Variants in DDAH1 observed in about 807,000 individuals in gnomAD.
DDAH1 encodes the protein dimethylarginine dimethylaminohydrolase 1.
In DDAH1, 19 loss-of-function variants were observed where a neutral mutation model predicts 28.8. That is an observed-to-expected ratio of 0.66 (90% CI 0.46 to 0.97). The LOEUF is 0.97. Ranked by LOEUF, DDAH1 falls within the 50% of genes least tolerant of loss-of-function variation. The probability of loss-of-function intolerance (pLI) is 0.00; values close to 1 mark genes in which losing one functional copy is unlikely to be tolerated. For missense variants in DDAH1, 326 were observed against 375.9 expected, an observed-to-expected ratio of 0.87 and a Z score of 1.10; for synonymous variants, 153 against 154.4, an observed-to-expected ratio of 0.99 and a Z score of 0.07.
intron 2 of DDAH1, among the ~76,000 whole-genome samples, chr1:85,489,381 A>C (rs776057413): frequency 9.2e-5 from 14 of 152,192 alleles, no homozygotes; most frequent in Non-Finnish European, 1.6e-4. Flanking sequence ...AGGAGGGAAA[A>C]ATCAATCATG....
At chr1:85,434,411 A>T (rs1189916516) in intron 1 of DDAH1, among the ~76,000 whole-genome samples, 1 of 149,234 alleles carries the variant, frequency 6.7e-6, no homozygotes, top group Non-Finnish European at 1.5e-5. Flanking sequence ...ATCATATTGT[A>T]TGTGTGTTTT....
At chr1:85,531,153 C>T (rs1172227438) in intron 1 of DDAH1, among the ~76,000 whole-genome samples, 8 of 152,150 alleles carry the variant, frequency 5.3e-5, no homozygotes, top group Non-Finnish European at 7.4e-5. Context: ...GAAGATAATG[C>T]CTACTCTCAC....
chr1:85,504,494 C>T (rs951642040), intron 1 of DDAH1, among the ~76,000 whole-genome samples: 2 of 152,172 alleles, frequency 1.3e-5, no homozygotes, highest in African/African-American at 4.8e-5. Context: ...ACCAAGAAAA[C>T]CATCATTCAG....
At position 85,464,802 on chromosome 1, in the gene DDAH1, C is replaced by T. The variant is rs1479196249; in HGVS notation, c.244G>A (p.Val82Met). The T allele has an allele frequency of 6.3e-7, 1 of 1,586,042 alleles. No individual in the cohort carries two copies. The highest frequency in any genetic ancestry group is 8.5e-7 in the Non-Finnish European group (1 of 1,173,452). Residue 82 changes from valine (V) to methionine (M), a missense_variant, in exon 1 of 6, where the codon GTG (valine) becomes ATG (methionine). By Grantham distance (21) the Val-to-Met change is conservative. Transcript: ENST00000284031. This position sits in a 1 kb window ranked among gnomAD's most constrained non-coding sequence, Gnocchi z 4.4. The stretch of plus-strand genomic sequence containing the variant: ...ATGAGGGCCGTCTCCTCGCACACCA[C>T]GGCCACGTCCTCCACGAAGACGCAG... Reference protein sequence around the residue: ...PDCVFVEDVAVVCEETALITR... With the variant: ...PDCVFVEDVAMVCEETALITR...
intron 1 of DDAH1, among the ~76,000 whole-genome samples, chr1:85,402,021 T>C (rs768840780): frequency 1.6e-4 from 25 of 152,200 alleles, no homozygotes; most frequent in Non-Finnish European, 3.2e-4. Flanking sequence ...GGTCTTGCTA[T>C]GTCACCCAGG....
intron 4 of DDAH1, among the ~76,000 whole-genome samples, chr1:85,342,138 TAGGGAG>T (rs1277768770): frequency 6.6e-6 from 1 of 152,100 alleles, no homozygotes; most frequent in Non-Finnish European, 1.5e-5. Context: ...AGGGGTCACA[TAGGGAG>T]AGCTGGAGGC....
At chr1:85,564,524 G>A (rs1659236796) in intron 1 of DDAH1, among the ~76,000 whole-genome samples, 1 of 152,164 alleles carries the variant, frequency 6.6e-6, no homozygotes, top group Admixed American at 6.5e-5. Context: ...AACACCAAGT[G>A]CAAGAAACAT....
chr1:85,422,284 C>T (rs945348713), intron 1 of DDAH1, among the ~76,000 whole-genome samples: 3 of 152,048 alleles, frequency 2.0e-5, no homozygotes, highest in Non-Finnish European at 4.4e-5. Context: ...AAGAGTTCTT[C>T]GTATATTTTG....
intron 1 of DDAH1, among the ~76,000 whole-genome samples, chr1:85,442,955 AT>A (rs769906200): frequency 7.2e-5 from 11 of 151,952 alleles, no homozygotes; most frequent in Non-Finnish European, 1.0e-4. Flanking sequence ...GATTGCAAAA[AT>A]TTTCTCCCAT....
Position 85,363,477 on chromosome 1 carries a change from C to A in DDAH1, c.304-4630G>T, listed in dbSNP as rs927170767. Among the ~76,000 whole-genome samples, 4 of 152,210 alleles carry A rather than the reference C, an allele frequency of 2.6e-5. No homozygotes were observed. In the East Asian group the frequency reaches 5.8e-4, roughly 22 times the overall value. On this transcript the variant is annotated intron_variant, in intron 1 of 5. Transcript: ENST00000284031. ...TACAGGAGCTTTAAAATTATAGAAT[C>A]ATTCTACCCCTACACTTGTCTAGCT...
chr1:85,454,925 A>C (rs1317237480), intron 1 of DDAH1, among the ~76,000 whole-genome samples: 1 of 152,224 alleles, frequency 6.6e-6, no homozygotes, highest in Non-Finnish European at 1.5e-5. Context: ...TGAGAGTAAC[A>C]AAAGACGAAA....
chr1:85,546,952 T>A (rs1192625698), intron 1 of DDAH1, among the ~76,000 whole-genome samples: 1 of 152,148 alleles, frequency 6.6e-6, no homozygotes, highest in Admixed American at 6.5e-5. Flanking sequence ...TTTCTGGGAT[T>A]CAGGGAGGGA....
At chr1:85,473,255 T>C (rs1369910150) in intron 2 of DDAH1, among the ~76,000 whole-genome samples, 1 of 152,172 alleles carries the variant, frequency 6.6e-6, no homozygotes, top group Non-Finnish European at 1.5e-5. Context: ...GATTGCTGGG[T>C]CAAATGGTAG....
chr1:85,574,659 C>T (rs1470454670), intron 1 of DDAH1, among the ~76,000 whole-genome samples: 1 of 152,216 alleles, frequency 6.6e-6, no homozygotes, highest in Non-Finnish European at 1.5e-5. Context: ...TCCTCTTTCT[C>T]ATGTCACCAG....
At chr1:85,414,499 T>TG (rs1354796402) in intron 1 of DDAH1, among the ~76,000 whole-genome samples, 1 of 152,180 alleles carries the variant, frequency 6.6e-6, no homozygotes, top group Non-Finnish European at 1.5e-5. Context: ...GCCACAAACT[T>TG]GGAGACAATC....
chr1:85,411,508 TA>T (rs1652654260), intron 1 of DDAH1, among the ~76,000 whole-genome samples: 7 of 141,174 alleles, frequency 5.0e-5, no homozygotes, highest in African/African-American at 7.4e-5. Context: ...TTCTGTCTTC[TA>T]CACCAAATTG....
intron 4 of DDAH1, among the ~76,000 whole-genome samples, chr1:85,332,621 A>G (rs933684757): frequency 4.6e-5 from 7 of 152,142 alleles, no homozygotes; most frequent in African/African-American, 1.7e-4. Flanking sequence ...GTCCTCCATC[A>G]GTGCCCAAGC....
chr1:85,427,613 C>A (rs887661590), intron 1 of DDAH1, among the ~76,000 whole-genome samples: 2 of 152,198 alleles, frequency 1.3e-5, no homozygotes, highest in South Asian at 2.1e-4. Flanking sequence ...CATCTTCTTA[C>A]ATGATCATTA....
chr1:85,462,471 T>C (rs1655163767), intron 1 of DDAH1, among the ~76,000 whole-genome samples: 1 of 152,166 alleles, frequency 6.6e-6, no homozygotes, highest in Non-Finnish European at 1.5e-5. Flanking sequence ...TCAGTGACAA[T>C]AATTTTAAAA....
Sources: gnomAD v4.1 joint callset for allele counts (sites outside exome capture counted in the v4.1 genomes callset) on GRCh38, gnomAD v4.1.1 for gene constraint, Gnocchi (gnomAD v3.1) non-coding constraint, MANE v1.5 for transcripts, NCBI Gene and HGNC (gene_info 2026-07-23, HGNC 2026-07-21) for gene names.